ABHD12: variants seen among roughly 807,000 people sequenced by gnomAD.
The protein encoded by ABHD12 is abhydrolase domain containing 12, lysophospholipase.
Under a neutral mutation model 58.3 loss-of-function variants are expected in ABHD12, and 43 were observed. The observed-to-expected ratio is 0.74, with a 90% CI of 0.58 to 0.95. ABHD12 has a LOEUF of 0.95. Among genes scored for constraint, ABHD12 ranks in the 40% least tolerant of loss-of-function variants. ABHD12 has a pLI of 0.00. For synonymous variants in ABHD12, 219 were observed against 211.2 expected, an observed-to-expected ratio of 1.04 and a Z score of -0.32; for missense variants, 539 against 537.2, an observed-to-expected ratio of 1.00 and a Z score of -0.03.
At chr20:25,372,301 C>T (rs1462649376) in intron 1 of ABHD12, among the ~76,000 whole-genome samples, 1 of 151,996 alleles carries the variant, frequency 6.6e-6, no homozygotes, top group Non-Finnish European at 1.5e-5. Context: ...TTAAGTGATC[C>T]TCCTGCCTCC....
chr20:25,360,227 CTTT>C (rs576215687), intron 1 of ABHD12, among the ~76,000 whole-genome samples: 1 of 37,388 alleles, frequency 2.7e-5, no homozygotes, highest in Non-Finnish European at 4.7e-5. Context: ...GAACACGTTA[CTTT>C]TTTTTTTTTT....
intron 1 of ABHD12, among the ~76,000 whole-genome samples, chr20:25,370,366 C>A (rs1483228688): frequency 2.0e-5 from 3 of 152,162 alleles, no homozygotes; most frequent in African/African-American, 7.2e-5. Flanking sequence ...CAAGAGAAGG[C>A]TCTGTGGAAG....
intron 1 of ABHD12, chr20:25,368,564 G>A (rs555304701): frequency 1.3e-3 from 1,845 of 1,404,276 alleles, no homozygotes; most frequent in Non-Finnish European, 1.7e-3. Context: ...GCCATTATGG[G>A]TGTGAAGTCA....
chr20:25,308,097 AT>A (rs762670268), intron 8 of ABHD12, 52 bp from the exon 9 acceptor site: 2 of 1,284,140 alleles, frequency 1.6e-6, no homozygotes, highest in Non-Finnish European at 2.3e-6. Context: ...AGCGACATAC[AT>A]GTGGCCTGTG....
chr20:25,339,730 C>G (rs1405604822), intron 1 of ABHD12: 1 of 1,350,250 alleles, frequency 7.4e-7, no homozygotes, highest in Admixed American at 2.0e-5. Context: ...TCAGGCCTCC[C>G]GATCCGTCTT....
At chr20:25,377,062 G>A (rs2089970529) in intron 1 of ABHD12, among the ~76,000 whole-genome samples, 1 of 152,184 alleles carries the variant, frequency 6.6e-6, no homozygotes. Flanking sequence ...CTGGGCCCTG[G>A]CAGAATCTCC....
At chr20:25,340,602 G>GCCA (rs2089442291) in intron 1 of ABHD12, among the ~76,000 whole-genome samples, 1 of 152,290 alleles carries the variant, frequency 6.6e-6, no homozygotes, top group Middle Eastern at 3.4e-3. Context: ...GCTCTAACTT[G>GCCA]CCATATGACT....
At chr20:25,318,763 T>C (rs973421881) in intron 4 of ABHD12, among the ~76,000 whole-genome samples, 1 of 152,044 alleles carries the variant, frequency 6.6e-6, no homozygotes, top group Non-Finnish European at 1.5e-5. Context: ...CTGCAAGAGC[T>C]GTTTGTAGCC....
chr20:25,376,884 T>C (rs1600875238), intron 1 of ABHD12, among the ~76,000 whole-genome samples: 2 of 152,232 alleles, frequency 1.3e-5, no homozygotes, highest in Non-Finnish European at 1.5e-5. Context: ...GGAGTTTCAC[T>C]TTCTCTGTTT....
At chr20:25,388,340 G>A (rs1297941461) in intron 1 of ABHD12, among the ~76,000 whole-genome samples, 1 of 152,186 alleles carries the variant, frequency 6.6e-6, no homozygotes, top group African/African-American at 2.4e-5. Flanking sequence ...TACGTGCCAG[G>A]TACTGGAGAT....
At chr20:25,302,865 C>T (rs916426824) in intron 11 of ABHD12, among the ~76,000 whole-genome samples, 1 of 152,160 alleles carries the variant, frequency 6.6e-6, no homozygotes, top group Non-Finnish European at 1.5e-5. Flanking sequence ...TGGGGGCTGT[C>T]AGAGCAGGAA....
At chr20:25,350,182 T>G (rs542479609) in intron 1 of ABHD12, among the ~76,000 whole-genome samples, 1 of 152,340 alleles carries the variant, frequency 6.6e-6, no homozygotes, top group African/African-American at 2.4e-5. Flanking sequence ...AGTAAAATAC[T>G]AGACAGAGAT....
At position 25,320,227 on chromosome 20, in the gene ABHD12, G is replaced by A; in HGVS notation, c.514C>T (p.Leu172=). The A allele has an allele frequency of 6.2e-7, 1 of 1,614,164 alleles. No homozygotes were observed. Among genetic ancestry groups the A allele is most frequent in the South Asian group, 1.1e-5 (1 of 91,090 alleles). The change falls in exon 4 of 13, where the codon CTG becomes TTG. Residue 172 remains leucine, a synonymous_variant. Coordinates refer to ENST00000339157, the MANE Select transcript of ABHD12 (RefSeq NM_001042472.3). ...GTACCTGCGTTCCCATGCAGGTACA[G>A]AATGATAGGGTGGCTGGAAGCCAAG... The part of the protein sequence containing the change: ...DALASSHPII[L]YLHGNAGTRG...
At chr20:25,296,211 C>A (rs1315995561), downstream of ABHD12, among the ~76,000 whole-genome samples, 1 of 152,186 alleles carries the variant, frequency 6.6e-6, no homozygotes, top group Non-Finnish European at 1.5e-5. Flanking sequence ...GTGGGGTCCC[C>A]TTTTCAACGA....
chr20:25,326,653 A>G (rs1420426818), intron 2 of ABHD12, among the ~76,000 whole-genome samples: 1 of 152,162 alleles, frequency 6.6e-6, no homozygotes, highest in Admixed American at 6.5e-5. Flanking sequence ...ATATAATAAG[A>G]CTAAAGTTTA....
At chr20:25,356,277 C>CA (rs1337279689) in intron 1 of ABHD12, among the ~76,000 whole-genome samples, 1 of 152,228 alleles carries the variant, frequency 6.6e-6, no homozygotes, top group Non-Finnish European at 1.5e-5. Flanking sequence ...CCCACGGGGG[C>CA]ACAGGGCTCC....
intron 2 of ABHD12, among the ~76,000 whole-genome samples, chr20:25,326,069 CAA>C (rs1339542161): frequency 1.9e-4 from 10 of 52,490 alleles, no homozygotes; most frequent in Admixed American, 2.4e-4. Context: ...AGACTCTGTC[CAA>C]AAAAAAAAAA....
chr20:25,333,508 A>G (rs2089312276), intron 2 of ABHD12, among the ~76,000 whole-genome samples: 1 of 149,262 alleles, frequency 6.7e-6, no homozygotes, highest in Non-Finnish European at 1.5e-5. Context: ...CAACCAAAAA[A>G]GAGAATTTTA....
At chr20:25,294,797 T>C (rs1015095786) in exon 13 of ABHD12, 3 of 719,048 alleles carry the variant, frequency 4.2e-6, no homozygotes, top group African/African-American at 3.5e-5. Context: ...CATGGTATGG[T>C]TTATCTAGAG....
Sources: allele counts gnomAD v4.1 joint callset (sites outside exome capture counted in the v4.1 genomes callset), GRCh38; gene constraint gnomAD v4.1.1; transcripts MANE v1.5; gene names NCBI Gene and HGNC (gene_info 2026-07-23, HGNC 2026-07-21).